SSBP3: variants seen among roughly 807,000 people sequenced by gnomAD.
SSBP3 encodes single-stranded DNA-binding protein 3.
SSBP3 carries 5 observed loss-of-function variants against 69.6 expected under a neutral mutation model. The observed-to-expected ratio is 0.07, with a 90% confidence interval of 0.04 to 0.15. The LOEUF (loss-of-function observed/expected upper bound fraction) is 0.15, where lower values mean the gene tolerates loss of function less well. SSBP3 is among the 10% of genes least tolerant of loss of function. The pLI, the probability that SSBP3 is intolerant of heterozygous loss-of-function variation, is 1.00. For missense variants in SSBP3, 312 were observed against 534.0 expected (o/e 0.58, Z 4.10); for synonymous variants, 196 against 193.4 (o/e 1.01, Z -0.11).
At chr1:54,378,401 C>A (rs115762688) in intron 4 of SSBP3, among the ~76,000 whole-genome samples, 1,762 of 152,276 alleles carry the variant, frequency 0.012, 35 homozygotes, top group African/African-American at 0.041. Context: ...TGGGCCACTG[C>A]ACAAAGAACT....
exon 7 of SSBP3, chr1:54,257,179 A>G: frequency 6.2e-7 from 1 of 1,600,328 alleles, no homozygotes; most frequent in Non-Finnish European, 8.5e-7. Flanking sequence ...TCGCGGTGAC[A>G]TAAAAGGCTG....
chr1:54,233,589 G>T, intron 14 of SSBP3, among the ~76,000 whole-genome samples: 1 of 146,382 alleles, frequency 6.8e-6, no homozygotes, highest in Non-Finnish European at 1.5e-5. Flanking sequence ...AGGGAGGTGG[G>T]GGGGTCAGCC....
chr1:54,301,184 A>G (rs994178787), intron 4 of SSBP3, among the ~76,000 whole-genome samples: 4 of 152,222 alleles, frequency 2.6e-5, no homozygotes, highest in African/African-American at 9.6e-5. Context: ...CTTTTACCAC[A>G]TCACAATGCC....
chr1:54,360,918 TA>T (rs60254245), intron 4 of SSBP3, among the ~76,000 whole-genome samples: 2,370 of 137,320 alleles, frequency 0.017, 50 homozygotes, highest in African/African-American at 0.049. Flanking sequence ...TGTCTCTACT[TA>T]AAAAAAAAAA....
chr1:54,406,393 C>G (rs990468071), exon 1 of SSBP3: 2 of 156,782 alleles, frequency 1.3e-5, no homozygotes, highest in African/African-American at 4.8e-5. Context: ...CGCCGCTGGT[C>G]TACTTGGAGC....
upstream of SSBP3, chr1:54,406,479 A>G (rs1164095408): frequency 6.6e-6 from 1 of 152,332 alleles, no homozygotes; most frequent in Non-Finnish European, 1.5e-5. Flanking sequence ...GCCTCGGCCA[A>G]TCGGCGCACG....
At chr1:54,406,669 A>T (rs998711140), upstream of SSBP3, among the ~76,000 whole-genome samples, 1 of 150,942 alleles carries the variant, frequency 6.6e-6, no homozygotes, top group Non-Finnish European at 1.5e-5. Flanking sequence ...GGCTGGGGGC[A>T]CCCTGGTCTC....
At chr1:54,300,409 A>G (rs1645780490) in intron 4 of SSBP3, among the ~76,000 whole-genome samples, 1 of 152,180 alleles carries the variant, frequency 6.6e-6, no homozygotes, top group Non-Finnish European at 1.5e-5. Flanking sequence ...AGGGGCCCAG[A>G]GCAGGTGCTC....
intron 5 of SSBP3, among the ~76,000 whole-genome samples, chr1:54,276,498 C>A (rs1243001393): frequency 6.7e-6 from 1 of 149,068 alleles, no homozygotes; most frequent in Non-Finnish European, 1.5e-5. Context: ...GTAATCCCAG[C>A]TACTCAGGAG....
In SSBP3 at chr1:54,412,412, G is replaced by A. The variant is rs544300716; in HGVS notation, c.-275+944C>T. On this transcript the variant is annotated intron_variant, in intron 1 of 8. Transcript: ENST00000525990. ...GTCTATAGCATGGATGAACGTTGAA[G>A]ACATTATGCTAAATGAAATCAGCCA... Among the ~76,000 whole-genome samples the A allele has an allele frequency of 3.3e-5, 5 of 152,310 alleles. No individual in the cohort carries two copies. The East Asian group carries it at 9.6e-4, about 29-fold the overall frequency.
chr1:54,240,462 G>GAA (rs1553123334), intron 13 of SSBP3, among the ~76,000 whole-genome samples: 742 of 34,294 alleles, frequency 0.022, 23 homozygotes, highest in African/African-American at 0.087. Context: ...CCTCAAAAAA[G>GAA]AAAAAAAAAA....
At chr1:54,383,054 G>GAAGGAAAGA (rs928525695) in intron 4 of SSBP3, among the ~76,000 whole-genome samples, 1 of 143,636 alleles carries the variant, frequency 7.0e-6, no homozygotes, top group Non-Finnish European at 1.5e-5. Context: ...GAGAAGGAAG[G>GAAGGAAAGA]AAGGAAAGAA....
At position 54,309,055 on chromosome 1, in the gene SSBP3, T is replaced by C. The variant is rs574649408; in HGVS notation, c.277-27528A>G. 2.0e-4 allele frequency among the ~76,000 whole-genome samples: 31 copies of C among 152,358 alleles called. 1 individual carries two copies. The South Asian group carries it at 6.2e-3, about 31-fold the overall frequency. ...TCTGATGAACTGGGGCATATGTGCA[T>C]ACAGCTTTAGAGACTCAATGGGGTC... On this transcript the variant is annotated intron_variant, in intron 4 of 17. Coordinates refer to ENST00000610401, the Ensembl canonical transcript of SSBP3.
exon 1 of SSBP3, chr1:54,406,022 G>A: frequency 6.9e-7 from 1 of 1,453,426 alleles, no homozygotes; most frequent in East Asian, 3.1e-5. Context: ...TTGCAGGGAA[G>A]AGGGCGCCGA....
intron 4 of SSBP3, among the ~76,000 whole-genome samples, chr1:54,396,320 C>CCAT (rs1648884304): frequency 6.6e-6 from 1 of 150,774 alleles, no homozygotes; most frequent in Non-Finnish European, 1.5e-5. Context: ...TGTGAATAGT[C>CCAT]TAATGCACTT....
intron 4 of SSBP3, among the ~76,000 whole-genome samples, chr1:54,401,636 C>A (rs905397025): frequency 5.3e-5 from 8 of 152,182 alleles, no homozygotes; most frequent in Admixed American, 2.0e-4. Flanking sequence ...GATATCTACA[C>A]AATTTTGCAC....
chr1:54,228,573 A>G (rs576677424), intron 15 of SSBP3, 96 bp from the exon 16 acceptor site: 144 of 1,559,688 alleles, frequency 9.2e-5, no homozygotes, highest in Non-Finnish European at 1.2e-4. Flanking sequence ...AAGCCCTTCC[A>G]TCCCAGTCCC....
chr1:54,302,844 G>A (rs1204256427), intron 4 of SSBP3, among the ~76,000 whole-genome samples: 3 of 152,198 alleles, frequency 2.0e-5, no homozygotes, highest in African/African-American at 7.2e-5. Context: ...TGCAGACCAA[G>A]TCAGTGCGGT....
intron 4 of SSBP3, among the ~76,000 whole-genome samples, chr1:54,316,709 TAAAATA>T (rs1309364320): frequency 6.2e-5 from 7 of 113,420 alleles, no homozygotes; most frequent in East Asian, 2.9e-4. Flanking sequence ...AATAAATAAA[TAAAATA>T]AAATAAAATA....
Sources: allele counts gnomAD v4.1 joint callset (sites outside exome capture counted in the v4.1 genomes callset), GRCh38; gene constraint gnomAD v4.1.1; transcripts MANE v1.5; gene names NCBI Gene and HGNC (gene_info 2026-07-23, HGNC 2026-07-21).